The following CALN1 variants were observed in gnomAD, a reference collection of about 807,000 sequenced individuals.
CALN1 encodes calcium-binding protein 8.
Under a neutral mutation model 30.6 loss-of-function variants are expected in CALN1, and 17 were observed. The observed-to-expected ratio is 0.56, with a 90% CI of 0.38 to 0.83. CALN1 has a LOEUF of 0.83. CALN1 is among the 40% of genes least tolerant of loss of function. The probability of loss-of-function intolerance (pLI) is 0.00; values close to 1 mark genes in which losing one functional copy is unlikely to be tolerated. For synonymous variants in CALN1, 156 were observed against 131.4 expected, an observed-to-expected ratio of 1.19 and a Z score of -1.28; for missense variants, 291 against 354.9, an observed-to-expected ratio of 0.82 and a Z score of 1.45.
intron 3 of CALN1, among the ~76,000 whole-genome samples, chr7:72,274,740 A>G (rs1797229482): frequency 6.6e-6 from 1 of 152,158 alleles, no homozygotes; most frequent in African/African-American, 2.4e-5. Context: ...CCTAGAAGGC[A>G]TTTCCTCCTC....
chr7:72,091,617 T>A (rs1805867052), intron 4 of CALN1, among the ~76,000 whole-genome samples: 4 of 152,202 alleles, frequency 2.6e-5, no homozygotes, highest in Admixed American at 2.6e-4. Context: ...GGTAAAATAT[T>A]CCCTTATTGC....
intron 3 of CALN1, among the ~76,000 whole-genome samples, chr7:72,211,599 C>T (rs1178984953): frequency 1.3e-5 from 2 of 152,184 alleles, no homozygotes; most frequent in African/African-American, 4.8e-5. Flanking sequence ...TTAGATAACA[C>T]ACCTAGAGCA....
the CALN1 span, among the ~76,000 whole-genome samples, chr7:72,482,954 T>G: frequency 2.2e-4 from 34 of 152,172 alleles, no homozygotes; most frequent in Non-Finnish European, 4.7e-4. Flanking sequence ...TCACTTCCAT[T>G]TTTGAAAGAT....
At chr7:72,159,359 G>A (rs1787940745) in intron 3 of CALN1, among the ~76,000 whole-genome samples, 1 of 152,126 alleles carries the variant, frequency 6.6e-6, no homozygotes, top group Admixed American at 6.6e-5. Flanking sequence ...AAATTAGCCA[G>A]GCATGTGGTG....
rs764276435 is a variant in CALN1 at position 72,247,227 on chromosome 7, C to CTTTT, written c.244+31455_244+31458dup. 2.4e-3 allele frequency among the ~76,000 whole-genome samples: 184 copies of CTTTT among 77,662 alleles called. 10 individuals carry two copies. The highest frequency in any genetic ancestry group is 3.4e-3 in the Non-Finnish European group (147 of 42,922). 50.9% of individuals were successfully genotyped at this position (77,662 alleles called of 152,430 possible). On this transcript the variant is annotated intron_variant, in intron 3 of 6. Coordinates refer to ENST00000395275, the MANE Select transcript of CALN1 (RefSeq NM_031468.4). ...GGGTTTTCAACAGACCATTTTCTTT[C>CTTTT]TTTTTTTTTTTTTTTTTTTTTTTTT...
chr7:72,412,619 T>C (rs1252711700), upstream of CALN1, among the ~76,000 whole-genome samples: 1 of 152,180 alleles, frequency 6.6e-6, no homozygotes, highest in Non-Finnish European at 1.5e-5. Context: ...GCTTCACCTC[T>C]CACACCCAGG....
intron 2 of CALN1, among the ~76,000 whole-genome samples, chr7:72,320,730 G>A (rs999446572): frequency 3.3e-5 from 5 of 151,718 alleles, no homozygotes; most frequent in African/African-American, 9.7e-5. Context: ...AGCTACTCGG[G>A]AGCCTGAGAC....
intron 1 of CALN1, among the ~76,000 whole-genome samples, chr7:72,406,102 G>C (rs970240555): frequency 6.6e-6 from 1 of 152,330 alleles, no homozygotes; most frequent in African/African-American, 2.4e-5. Flanking sequence ...CGATGTGCCA[G>C]AGAAACACAA....
chr7:71,852,694 T>C (rs1584373511), intron 5 of CALN1, among the ~76,000 whole-genome samples: 1 of 152,318 alleles, frequency 6.6e-6, no homozygotes, highest in East Asian at 1.9e-4. Context: ...GAGAATCTCA[T>C]TTACTCCACA....
intron 3 of CALN1, among the ~76,000 whole-genome samples, chr7:72,141,532 C>T (rs563522393): frequency 1.3e-4 from 20 of 152,112 alleles, no homozygotes; most frequent in Middle Eastern, 3.4e-3. Context: ...CTTTTGTGTC[C>T]GAGGGCTCAA....
the CALN1 span, among the ~76,000 whole-genome samples, chr7:72,499,873 CT>C: frequency 1.6e-5 from 1 of 64,294 alleles, no homozygotes; most frequent in Non-Finnish European, 2.8e-5. Context: ...TTCTTTCTTT[CT>C]TTCTTTCTTT....
intron 3 of CALN1, among the ~76,000 whole-genome samples, chr7:72,205,575 T>TATATACATATATATATATATAC (rs1562733884): frequency 4.2e-5 from 5 of 119,610 alleles, no homozygotes; most frequent in African/African-American, 2.1e-4. Flanking sequence ...TATGTATATA[T>TATATACATATATATATATATAC]ATATATATAT....
chr7:72,137,467 G>C (rs1170689687), intron 3 of CALN1, among the ~76,000 whole-genome samples: 1 of 152,196 alleles, frequency 6.6e-6, no homozygotes, highest in Non-Finnish European at 1.5e-5. Context: ...CACGAAGTGA[G>C]CACATGCTCT....
intron 2 of CALN1, among the ~76,000 whole-genome samples, chr7:72,360,068 T>C (rs1161337704): frequency 1.3e-5 from 2 of 151,784 alleles, no homozygotes; most frequent in African/African-American, 4.9e-5. Context: ...TCTTACAGCT[T>C]AAAGACCTGG....
chr7:72,317,700 G>C (rs969189103), intron 2 of CALN1, among the ~76,000 whole-genome samples: 1 of 152,164 alleles, frequency 6.6e-6, no homozygotes, highest in Non-Finnish European at 1.5e-5. Flanking sequence ...AGGCTGAGAG[G>C]AAAGAAAGGG....
intron 4 of CALN1, among the ~76,000 whole-genome samples, chr7:72,046,041 A>T (rs1483794927): frequency 1.3e-5 from 2 of 149,504 alleles, no homozygotes; most frequent in Non-Finnish European, 3.0e-5. Context: ...GGCCAGGTGC[A>T]GGAGCTCACC....
intron 3 of CALN1, among the ~76,000 whole-genome samples, chr7:72,154,984 G>A (rs1787554786): frequency 1.3e-5 from 2 of 151,926 alleles, no homozygotes; most frequent in African/African-American, 4.8e-5. Flanking sequence ...TTGAGCCCAG[G>A]AGTCGGAGGC....
At chr7:72,071,663 T>C (rs888848609) in intron 4 of CALN1, among the ~76,000 whole-genome samples, 7 of 152,218 alleles carry the variant, frequency 4.6e-5, no homozygotes, top group African/African-American at 1.7e-4. Flanking sequence ...GAGAATTCAA[T>C]TTCCAGAGGT....
At chr7:72,205,569 T>TATATATACAC (rs1791801480) in intron 3 of CALN1, among the ~76,000 whole-genome samples, 1 of 109,496 alleles carries the variant, frequency 9.1e-6, no homozygotes, top group African/African-American at 3.7e-5. Flanking sequence ...TATATATATG[T>TATATATACAC]ATATATATAT....
Sources: allele counts gnomAD v4.1 joint callset (sites outside exome capture counted in the v4.1 genomes callset), GRCh38; gene constraint gnomAD v4.1.1; transcripts MANE v1.5; gene names NCBI Gene and HGNC (gene_info 2026-07-23, HGNC 2026-07-21).